KCNH7: variants seen among roughly 807,000 people sequenced by gnomAD.
The protein encoded by KCNH7 is potassium voltage-gated channel subfamily H member 7.
A neutral mutation model predicts 120.8 loss-of-function variants in KCNH7; 49 were observed. The observed-to-expected ratio is 0.41, with a 90% confidence interval of 0.32 to 0.51. The LOEUF is 0.51. Ranked by LOEUF, KCNH7 falls within the 20% of genes least tolerant of loss-of-function variation. The pLI is 0.38. For missense variants in KCNH7, 1,097 were observed against 1,446.6 expected (o/e 0.76, Z 3.92); for synonymous variants, 547 against 516.1 (o/e 1.06, Z -0.81).
At chr2:162,629,260 AG>A (rs1683673975) in intron 2 of KCNH7, among the ~76,000 whole-genome samples, 1 of 152,104 alleles carries the variant, frequency 6.6e-6, no homozygotes, top group Non-Finnish European at 1.5e-5. Flanking sequence ...GAGGCATTTT[AG>A]TTGAAACTCA....
chr2:162,817,530 T>A (rs1217638562), intron 2 of KCNH7, among the ~76,000 whole-genome samples: 2 of 152,154 alleles, frequency 1.3e-5, no homozygotes, highest in Non-Finnish European at 2.9e-5. Flanking sequence ...TATAAATATT[T>A]CATATAAATC....
intron 2 of KCNH7, among the ~76,000 whole-genome samples, chr2:162,674,028 T>G (rs1685451828): frequency 6.6e-6 from 1 of 151,908 alleles, no homozygotes; most frequent in Non-Finnish European, 1.5e-5. Context: ...CAATCATCAT[T>G]GCTAGTAAAT....
At chr2:162,462,902 AAATTAAACTTAAACAAAAGG>A (rs1490818669) in intron 6 of KCNH7, among the ~76,000 whole-genome samples, 1 of 152,096 alleles carries the variant, frequency 6.6e-6, no homozygotes, top group Non-Finnish European at 1.5e-5. Flanking sequence ...CTTTAAAATA[AAATTAAACTTAAACAAAAGG>A]AATACTAATT....
At chr2:162,776,457 T>A (rs529296447) in intron 2 of KCNH7, among the ~76,000 whole-genome samples, 62 of 151,948 alleles carry the variant, frequency 4.1e-4, no homozygotes, top group Non-Finnish European at 7.4e-4. Flanking sequence ...GGGCCAAATA[T>A]AAGTCAAAAA....
chr2:162,573,379 G>A (rs144096436), intron 2 of KCNH7, among the ~76,000 whole-genome samples: 1 of 151,820 alleles, frequency 6.6e-6, no homozygotes, highest in Non-Finnish European at 1.5e-5. Context: ...CCTGATGAAA[G>A]ATATACAAAA....
intron 2 of KCNH7, among the ~76,000 whole-genome samples, chr2:162,732,582 C>T (rs925966379): frequency 2.0e-5 from 3 of 152,050 alleles, no homozygotes; most frequent in Non-Finnish European, 4.4e-5. Context: ...AATTGAGAAT[C>T]CTGTGGTCTG....
At chr2:162,460,131 G>A (rs1689097653) in intron 6 of KCNH7, among the ~76,000 whole-genome samples, 2 of 149,424 alleles carry the variant, frequency 1.3e-5, no homozygotes, top group African/African-American at 4.9e-5. Flanking sequence ...AAACAGATAT[G>A]CTAAGGCTCA....
intron 2 of KCNH7, among the ~76,000 whole-genome samples, chr2:162,724,759 T>A (rs1034041491): frequency 6.6e-6 from 1 of 152,086 alleles, no homozygotes; most frequent in Non-Finnish European, 1.5e-5. Context: ...TGTACTGTAC[T>A]ATACCCACCT....
intron 2 of KCNH7, among the ~76,000 whole-genome samples, chr2:162,590,099 C>A (rs1010946397): frequency 2.6e-5 from 4 of 151,938 alleles, no homozygotes; most frequent in Non-Finnish European, 2.9e-5. Context: ...GGGTGCAAGT[C>A]GGGGGCAGAA....
intron 12 of KCNH7, among the ~76,000 whole-genome samples, chr2:162,386,009 G>A (rs557397591): frequency 2.0e-5 from 3 of 151,932 alleles, no homozygotes; most frequent in African/African-American, 4.8e-5. Context: ...TCAGTGTTAT[G>A]CGAAATTGTT....
At chr2:162,820,780 T>C (rs1441087981) in intron 2 of KCNH7, among the ~76,000 whole-genome samples, 1 of 152,194 alleles carries the variant, frequency 6.6e-6, no homozygotes, top group Non-Finnish European at 1.5e-5. Flanking sequence ...AACTTTCCTC[T>C]GAGAAATAAT....
chr2:162,564,814 T>C (rs1016550248), intron 2 of KCNH7, among the ~76,000 whole-genome samples: 2 of 152,154 alleles, frequency 1.3e-5, no homozygotes, highest in East Asian at 3.9e-4. Flanking sequence ...CATATTCGTG[T>C]CACTATATCT....
Position 162,717,014 on chromosome 2 carries a change from A to C in KCNH7, c.307+119523T>G, listed in dbSNP as rs373093367. 4.4e-4 allele frequency among the ~76,000 whole-genome samples: 67 copies of C among 152,120 alleles called. 1 individual carries two copies. Among genetic ancestry groups the C allele is most frequent in the African/African-American group, 1.3e-3 (56 of 41,526 alleles). ...TTGGGTAGAAAGAGTGTTGCTTTAAAGAAAGGCAGCTAAACCTAAATGTAA... is the reference window on the plus strand; with the variant it reads ...TTGGGTAGAAAGAGTGTTGCTTTAACGAAAGGCAGCTAAACCTAAATGTAA... On this transcript the variant is annotated intron_variant, in intron 2 of 15. Coordinates refer to ENST00000332142, the MANE Select transcript of KCNH7 (RefSeq NM_033272.4).
chr2:162,555,208 G>T (rs1367326836), intron 2 of KCNH7, among the ~76,000 whole-genome samples: 1 of 152,000 alleles, frequency 6.6e-6, no homozygotes, highest in Non-Finnish European at 1.5e-5. Flanking sequence ...TTATTTGGAG[G>T]GCAAATTAAG....
chr2:162,704,180 G>A (rs1227409432), intron 2 of KCNH7, among the ~76,000 whole-genome samples: 1 of 152,102 alleles, frequency 6.6e-6, no homozygotes, highest in Non-Finnish European at 1.5e-5. Flanking sequence ...CCCAGCCACT[G>A]AAATTATATT....
At chr2:162,699,243 C>G (rs1686404387) in intron 2 of KCNH7, among the ~76,000 whole-genome samples, 1 of 152,112 alleles carries the variant, frequency 6.6e-6, no homozygotes, top group African/African-American at 2.4e-5. Context: ...CAACTGCAAT[C>G]CCTGGTAACC....
intron 7 of KCNH7, among the ~76,000 whole-genome samples, chr2:162,436,458 G>A (rs7595126): frequency 0.15 from 22,366 of 151,982 alleles, 4,394 homozygotes; most frequent in African/African-American, 0.44. Context: ...ATTACTGACC[G>A]GGTATCTAAT....
intron 2 of KCNH7, among the ~76,000 whole-genome samples, chr2:162,718,229 G>C (rs1687200094): frequency 6.6e-6 from 1 of 151,940 alleles, no homozygotes; most frequent in African/African-American, 2.4e-5. Context: ...GATGCGTTCA[G>C]GGTGGTATGG....
At chr2:162,837,925 T>G (rs1181343100) in intron 1 of KCNH7, among the ~76,000 whole-genome samples, 1 of 152,220 alleles carries the variant, frequency 6.6e-6, no homozygotes, top group Non-Finnish European at 1.5e-5. Context: ...TATATTTGCA[T>G]TGATTCAATA....
Sources: gnomAD v4.1 joint callset for allele counts (sites outside exome capture counted in the v4.1 genomes callset) on GRCh38, gnomAD v4.1.1 for gene constraint, MANE v1.5 for transcripts, NCBI Gene and HGNC (gene_info 2026-07-23, HGNC 2026-07-21) for gene names.